The following RFX3 variants were observed in gnomAD, a reference collection of about 807,000 sequenced individuals.
The protein encoded by RFX3 is regulatory factor X3.
RFX3 carries 14 observed loss-of-function variants against 98.6 expected under a neutral mutation model. The observed-to-expected ratio is 0.14, with a 90% CI of 0.09 to 0.22. RFX3 has a LOEUF of 0.22. Among genes scored for constraint, RFX3 ranks in the 10% least tolerant of loss-of-function variants. RFX3 has a pLI of 1.00. For synonymous variants in RFX3, 383 were observed against 328.4 expected (o/e 1.17, Z -1.80); for missense variants, 639 against 926.9 (o/e 0.69, Z 4.03).
At chr9:3,256,965 A>C in intron 14 of RFX3, 26 bp downstream of exon 14, 1 of 1,597,390 alleles carries the variant, frequency 6.3e-7, no homozygotes, top group Non-Finnish European at 8.6e-7. Flanking sequence ...ATGAAGAAGA[A>C]AGCCTAGGAA....
intron 4 of RFX3, among the ~76,000 whole-genome samples, chr9:3,329,956 T>C (rs1415935488): frequency 1.3e-5 from 2 of 152,208 alleles, no homozygotes; most frequent in South Asian, 2.1e-4. Flanking sequence ...TCTTTCTATA[T>C]AAATTTAAGA....
At chr9:3,358,466 T>A (rs940698761) in intron 2 of RFX3, among the ~76,000 whole-genome samples, 12 of 152,122 alleles carry the variant, frequency 7.9e-5, no homozygotes, top group Non-Finnish European at 1.2e-4. Context: ...TCTGGATAGA[T>A]GCTGGCTAAC....
intron 7 of RFX3, among the ~76,000 whole-genome samples, chr9:3,279,831 T>G (rs761227796): frequency 2.0e-5 from 3 of 151,834 alleles, no homozygotes; most frequent in Non-Finnish European, 2.9e-5. Flanking sequence ...TGCATTATAA[T>G]TAACATATGA....
At chr9:3,373,932 G>C (rs1265894526) in intron 2 of RFX3, among the ~76,000 whole-genome samples, 2 of 152,020 alleles carry the variant, frequency 1.3e-5, no homozygotes, top group South Asian at 2.1e-4. Flanking sequence ...CAAAAACTTA[G>C]CCAGGAGTGG....
chr9:3,429,215 G>T (rs1844414143), intron 1 of RFX3, among the ~76,000 whole-genome samples: 1 of 150,472 alleles, frequency 6.6e-6, no homozygotes, highest in Non-Finnish European at 1.5e-5. Context: ...GTAGAAACGG[G>T]GTTTCACCGT....
intron 1 of RFX3, among the ~76,000 whole-genome samples, chr9:3,484,800 A>G (rs1850103617): frequency 2.0e-5 from 3 of 152,114 alleles, no homozygotes; most frequent in Admixed American, 1.3e-4. Flanking sequence ...AATAGTAAAC[A>G]AAGGCTGGGT....
intron 1 of RFX3, among the ~76,000 whole-genome samples, chr9:3,468,131 C>A: frequency 6.6e-6 from 1 of 152,092 alleles, no homozygotes; most frequent in East Asian, 1.9e-4. Flanking sequence ...AAAGATAACT[C>A]AATTTAGGGC....
chr9:3,483,364 G>C (rs886636102), intron 1 of RFX3, among the ~76,000 whole-genome samples: 22 of 152,146 alleles, frequency 1.4e-4, no homozygotes, highest in Non-Finnish European at 2.8e-4. Flanking sequence ...TCCCTGTTGA[G>C]ACAGGTACCA....
chr9:3,468,412 A>C (rs750364836), intron 1 of RFX3, among the ~76,000 whole-genome samples: 2 of 152,200 alleles, frequency 1.3e-5, no homozygotes, highest in Non-Finnish European at 2.9e-5. Context: ...TTTAAAATTC[A>C]TTTCATGAAT....
At chr9:3,469,937 C>T (rs1027240123) in intron 1 of RFX3, among the ~76,000 whole-genome samples, 2 of 152,008 alleles carry the variant, frequency 1.3e-5, no homozygotes. Flanking sequence ...CCGACAACTC[C>T]AAGATGCTGA....
chr9:3,317,881 G>A (rs1447683678), intron 4 of RFX3, among the ~76,000 whole-genome samples: 1 of 152,196 alleles, frequency 6.6e-6, no homozygotes, highest in East Asian at 1.9e-4. Context: ...AACAGGTGCT[G>A]GAGAGGATGT....
chr9:3,429,665 C>G (rs981809296), intron 1 of RFX3, among the ~76,000 whole-genome samples: 1 of 152,166 alleles, frequency 6.6e-6, no homozygotes, highest in African/African-American at 2.4e-5. Context: ...ACTACATTCA[C>G]TTGCAAAGTA....
rs185425801 is a variant in RFX3 at position 3,424,107 on chromosome 9, A to G, written c.-8-28511T>C. 7.7e-3 allele frequency among the ~76,000 whole-genome samples: 1,155 copies of G among 150,632 alleles called. 13 individuals are homozygous for G. Among genetic ancestry groups the G allele is most frequent in the African/African-American group, 0.027 (1,096 of 41,264 alleles). ...GCTTGCAGTGAGCTGAGATCGCGCC[A>G]CTACACTCCAGCCTGGGCGACAGAG... On this transcript the variant is annotated intron_variant, in intron 1 of 16. Coordinates refer to ENST00000617270, the MANE Select transcript of RFX3 (RefSeq NM_001282116.2).
At chr9:3,271,548 T>C (rs558904336) in intron 9 of RFX3, among the ~76,000 whole-genome samples, 29 of 138,358 alleles carry the variant, frequency 2.1e-4, no homozygotes, top group Admixed American at 1.6e-3. Context: ...TTTCTCTTTC[T>C]CTCTTTCTCT....
intron 1 of RFX3, among the ~76,000 whole-genome samples, chr9:3,511,011 A>T (rs771020445): frequency 5.9e-4 from 89 of 152,070 alleles, no homozygotes; most frequent in Admixed American, 2.2e-3. Context: ...TCACTTTACT[A>T]CTCAGTTTGT....
chr9:3,294,294 A>T (rs1014809632), intron 5 of RFX3, among the ~76,000 whole-genome samples: 1 of 152,136 alleles, frequency 6.6e-6, no homozygotes, highest in African/African-American at 2.4e-5. Flanking sequence ...AATATTTCAC[A>T]TTACTTGTGT....
At chr9:3,261,331 C>T (rs1217350059) in intron 13 of RFX3, among the ~76,000 whole-genome samples, 2 of 152,028 alleles carry the variant, frequency 1.3e-5, no homozygotes, top group Non-Finnish European at 1.5e-5. Context: ...TAGGTAACTA[C>T]CAATCTACCT....
At chr9:3,366,698 C>CTTTCTTTCT (rs1179920141) in intron 2 of RFX3, among the ~76,000 whole-genome samples, 1 of 61,746 alleles carries the variant, frequency 1.6e-5, no homozygotes, top group Non-Finnish European at 3.4e-5. Flanking sequence ...TCTTTCCTTT[C>CTTTCTTTCT]TTTCTTTCTT....
chr9:3,431,059 T>TAACTGCATAA (rs918200910), intron 1 of RFX3, among the ~76,000 whole-genome samples: 3 of 152,206 alleles, frequency 2.0e-5, no homozygotes, highest in African/African-American at 4.8e-5. Context: ...AAATTAACTA[T>TAACTGCATAA]AATACCTACT....
Sources: gnomAD v4.1 joint callset for allele counts (sites outside exome capture counted in the v4.1 genomes callset) on GRCh38, gnomAD v4.1.1 for gene constraint, MANE v1.5 for transcripts, NCBI Gene and HGNC (gene_info 2026-07-23, HGNC 2026-07-21) for gene names.